EBF2: variants seen among roughly 807,000 people sequenced by gnomAD.
EBF2 encodes EBF transcription factor 2, also known as transcription factor COE2.
Under a neutral mutation model 72.8 loss-of-function variants are expected in EBF2, and 21 were observed. The observed-to-expected ratio is 0.29, with a 90% CI of 0.20 to 0.42. The LOEUF is 0.42. EBF2 is among the 10% of genes least tolerant of loss of function. The pLI, the probability that EBF2 is intolerant of heterozygous loss-of-function variation, is 1.00. For missense variants in EBF2, 637 were observed against 731.2 expected (o/e 0.87, Z 1.49); for synonymous variants, 299 against 274.2 (o/e 1.09, Z -0.89).
At chr8:25,943,684 C>T (rs1293925926) in intron 6 of EBF2, among the ~76,000 whole-genome samples, 1 of 152,150 alleles carries the variant, frequency 6.6e-6, no homozygotes, top group Non-Finnish European at 1.5e-5. Flanking sequence ...AGGTAAAACT[C>T]CTCGTCCCTT....
chr8:25,992,390 C>T (rs1172595131), intron 6 of EBF2, among the ~76,000 whole-genome samples: 1 of 144,136 alleles, frequency 6.9e-6, no homozygotes, highest in Admixed American at 7.0e-5. Flanking sequence ...AGACCAGATG[C>T]AAGCCAGGAG....
At chr8:25,970,610 G>C (rs1804176211) in intron 6 of EBF2, among the ~76,000 whole-genome samples, 1 of 152,012 alleles carries the variant, frequency 6.6e-6, no homozygotes, top group Non-Finnish European at 1.5e-5. Flanking sequence ...TTGCATGACT[G>C]TACCCAAGCT....
intron 6 of EBF2, among the ~76,000 whole-genome samples, chr8:26,003,445 G>A (rs1331203942): frequency 2.0e-5 from 3 of 152,114 alleles, no homozygotes; most frequent in Non-Finnish European, 2.9e-5. Flanking sequence ...AGTTGTTTAC[G>A]ATGACTTTTA....
At chr8:25,968,942 A>G (rs924937471) in intron 6 of EBF2, among the ~76,000 whole-genome samples, 2 of 152,116 alleles carry the variant, frequency 1.3e-5, no homozygotes, top group Non-Finnish European at 2.9e-5. Flanking sequence ...ACTGAACTGC[A>G]CACTTAAAGA....
chr8:25,924,974 T>G (rs1803362724), intron 6 of EBF2, among the ~76,000 whole-genome samples: 1 of 152,178 alleles, frequency 6.6e-6, no homozygotes, highest in East Asian at 1.9e-4. Flanking sequence ...GGACTGAGCC[T>G]TTTCCCAGAC....
chr8:25,970,366 C>T lies in EBF2; in HGVS notation c.552-61811G>A, dbSNP rs542972745. 3.3e-5 allele frequency among the ~76,000 whole-genome samples: 5 copies of T among 152,240 alleles called. No homozygotes were observed. In the East Asian group the frequency reaches 5.8e-4, roughly 18 times the overall value. On this transcript the variant is annotated intron_variant, in intron 6 of 15. Coordinates refer to ENST00000520164, the MANE Select transcript of EBF2 (RefSeq NM_022659.4). The stretch of plus-strand genomic sequence containing the variant: ...AGCATGTGTCGGTCTCGGAGCCTGG[C>T]GCTGAAGCAGGTGCGGGCATATTTT...
At chr8:26,041,205 CT>C in intron 2 of EBF2, 2 of 619,918 alleles carry the variant, frequency 3.2e-6, no homozygotes, top group East Asian at 5.5e-5. Flanking sequence ...CTCGTAGCCA[CT>C]TGACCCTTTC....
At chr8:26,030,825 C>T (rs10087776) in intron 6 of EBF2, among the ~76,000 whole-genome samples, 3,013 of 152,238 alleles carry the variant, frequency 0.02, 109 homozygotes, top group African/African-American at 0.068. Flanking sequence ...AGCCAAGATA[C>T]GATTTCCACT....
chr8:25,944,166 G>A (rs895045711), intron 6 of EBF2, among the ~76,000 whole-genome samples: 2 of 152,200 alleles, frequency 1.3e-5, no homozygotes, highest in African/African-American at 2.4e-5. Context: ...CATAGGGCAG[G>A]GTTCCAGCTC....
rs145565078 is a variant in EBF2, at chr8:25,909,173, C to G, written c.552-618G>C. 5.3e-3 allele frequency among the ~76,000 whole-genome samples: 802 copies of G among 152,246 alleles called. 3 individuals carry two copies. Among genetic ancestry groups the G allele is most frequent in the Non-Finnish European group, 8.5e-3 (580 of 68,020 alleles). ...GATTATTCAGAGAAACATGAAAGCA[C>G]AGAATCATGGTCTGAGGTTAGCATT... On this transcript the variant is annotated intron_variant, in intron 6 of 15. Transcript: ENST00000520164.
intron 6 of EBF2, among the ~76,000 whole-genome samples, chr8:26,028,112 G>A (rs1805330661): frequency 6.6e-6 from 1 of 152,120 alleles, no homozygotes; most frequent in African/African-American, 2.4e-5. Flanking sequence ...GGCTAAGATG[G>A]TAAATTTTAT....
chr8:25,903,684 G>A (rs1401366983), intron 7 of EBF2, among the ~76,000 whole-genome samples: 11 of 152,230 alleles, frequency 7.2e-5, no homozygotes, highest in South Asian at 2.1e-4. Flanking sequence ...GCGACAGAGC[G>A]AGACTCCGTC....
intron 6 of EBF2, among the ~76,000 whole-genome samples, chr8:25,921,973 G>T (rs1330545987): frequency 1.3e-5 from 2 of 152,118 alleles, no homozygotes; most frequent in African/African-American, 4.8e-5. Flanking sequence ...AAATATGCTG[G>T]ATTCTTGGAA....
At chr8:25,938,013 T>A (rs1407229804) in intron 6 of EBF2, among the ~76,000 whole-genome samples, 1 of 152,152 alleles carries the variant, frequency 6.6e-6, no homozygotes, top group Non-Finnish European at 1.5e-5. Context: ...GCAGTAACTT[T>A]TATGTCTTAT....
At chr8:26,022,706 G>T (rs1309813889) in intron 6 of EBF2, among the ~76,000 whole-genome samples, 2 of 152,124 alleles carry the variant, frequency 1.3e-5, no homozygotes, top group African/African-American at 4.8e-5. Flanking sequence ...CCAGCTCCTT[G>T]GTGGTCTCGA....
chr8:25,946,108 G>A (rs73553998), intron 6 of EBF2, among the ~76,000 whole-genome samples: 4 of 152,168 alleles, frequency 2.6e-5, no homozygotes, highest in Non-Finnish European at 4.4e-5. Flanking sequence ...CTGATAATGA[G>A]TTCTTCAACT....
intron 6 of EBF2, among the ~76,000 whole-genome samples, chr8:25,936,913 T>C (rs1178754740): frequency 2.6e-5 from 4 of 152,174 alleles, no homozygotes; most frequent in Admixed American, 1.3e-4. Flanking sequence ...AAGCAACAGA[T>C]ACCACACACA....
At position 25,912,499 on chromosome 8, in the gene EBF2, A is replaced by ACACACAC. The variant is rs1375819188; in HGVS notation, c.552-3945_552-3944insGTGTGTG. ...ACACACACACACACACACACACACA[A>ACACACAC]CAGGAAGAATAAATCAGGAGAAAAA... is the stretch of plus-strand genomic sequence containing the variant. On this transcript the variant is annotated intron_variant, in intron 6 of 15. Transcript: ENST00000520164. 1.6e-3 allele frequency among the ~76,000 whole-genome samples: 114 copies of ACACACAC among 72,920 alleles called. No homozygotes were observed. In the East Asian group the frequency reaches 0.027, roughly 17 times the overall value. The allele number at this position is 72,920 out of a possible 152,430, so 47.8% of individuals were successfully genotyped here. A position where few individuals can be genotyped will look rare whatever the true frequency, so the allele number is the denominator to read the frequency against.
At chr8:25,860,360 A>G (rs1802190549) in intron 13 of EBF2, among the ~76,000 whole-genome samples, 1 of 152,346 alleles carries the variant, frequency 6.6e-6, no homozygotes, top group South Asian at 2.1e-4. Context: ...GATAATGGCA[A>G]TAATCAGTTT....
Sources: allele counts gnomAD v4.1 joint callset (sites outside exome capture counted in the v4.1 genomes callset), GRCh38; gene constraint gnomAD v4.1.1; transcripts MANE v1.5; gene names NCBI Gene and HGNC (gene_info 2026-07-23, HGNC 2026-07-21).